Variants in NT5DC3 observed in about 807,000 individuals in gnomAD.
NT5DC3 encodes the protein 5'-nucleotidase domain-containing protein 3.
In NT5DC3, 42 loss-of-function variants were observed where a neutral mutation model predicts 67.8. The ratio of observed to expected loss-of-function variants is 0.62; its 90% confidence interval spans 0.48 to 0.80. The LOEUF (loss-of-function observed/expected upper bound fraction) is 0.80. NT5DC3 is among the 30% of genes least tolerant of loss of function. The pLI is 0.00. For synonymous variants in NT5DC3, 237 were observed against 255.6 expected (o/e 0.93, Z 0.69); for missense variants, 570 against 696.4 (o/e 0.82, Z 2.04).
the NT5DC3 span, chr12:103,762,343 T>C: frequency 3.4e-5 from 55 of 1,614,092 alleles, 1 homozygote; most frequent in South Asian, 5.5e-4. Context: ...GGCTGTTGCC[T>C]TGGCTGCTTA....
the NT5DC3 span, among the ~76,000 whole-genome samples, chr12:103,760,410 G>A: frequency 2.6e-5 from 4 of 152,126 alleles, no homozygotes; most frequent in East Asian, 3.9e-4. Context: ...ACAGGTGCCC[G>A]CCACCACACT....
chr12:103,793,313 TG>T, intron 8 of NT5DC3, 48 bp from the exon 9 acceptor site: 2 of 1,557,966 alleles, frequency 1.3e-6, no homozygotes, highest in Non-Finnish European at 8.9e-7. Flanking sequence ...AGAGATTAAC[TG>T]TGTCTGTAAC....
chr12:103,758,320 G>A, the NT5DC3 span: 1 of 1,609,648 alleles, frequency 6.2e-7, no homozygotes, highest in Non-Finnish European at 8.5e-7. Context: ...CTTTGCTTTA[G>A]ACTAGCATGT....
chr12:103,748,472 T>C, the NT5DC3 span, among the ~76,000 whole-genome samples: 1 of 152,188 alleles, frequency 6.6e-6, no homozygotes, highest in East Asian at 1.9e-4. Context: ...GGCCACATTT[T>C]AGCTGTTTTA....
chr12:103,816,884 T>C (rs1164405470), intron 1 of NT5DC3, among the ~76,000 whole-genome samples: 4 of 151,990 alleles, frequency 2.6e-5, no homozygotes, highest in Non-Finnish European at 4.4e-5. Flanking sequence ...TCAGTTCTCA[T>C]GGCACTGCGC....
intron 2 of NT5DC3, among the ~76,000 whole-genome samples, chr12:103,808,952 G>T (rs755583293): frequency 1.1e-4 from 17 of 152,210 alleles, no homozygotes; most frequent in Admixed American, 1.3e-4. Flanking sequence ...ACATCAGCAT[G>T]AAGGAAGCAG....
At position 103,833,415 on chromosome 12, in the gene NT5DC3, GCTTA is replaced by G. The variant is rs371068946; in HGVS notation, c.208+7530_208+7533del. Among the ~76,000 whole-genome samples, 4 of 152,122 alleles carry G rather than the reference GCTTA, an allele frequency of 2.6e-5. 1 individual carries two copies. The highest frequency in any genetic ancestry group is 9.6e-5 in the African/African-American group (4 of 41,480). On this transcript the variant is annotated intron_variant, in intron 1 of 13. Coordinates refer to ENST00000392876, the MANE Select transcript of NT5DC3 (RefSeq NM_001031701.3). The stretch of plus-strand genomic sequence containing the variant: ...CAATGCAGTTGCTTGAGGAACTTAT[GCTTA>G]CTATTACTATTCACTGTATTTAATA...
chr12:103,794,896 T>A (rs1593398486), intron 6 of NT5DC3, among the ~76,000 whole-genome samples: 1 of 152,168 alleles, frequency 6.6e-6, no homozygotes, highest in Non-Finnish European at 1.5e-5. Context: ...CTGGCAGGTG[T>A]CAAAACAGGG....
chr12:103,800,521 C>T (rs1336533716), intron 4 of NT5DC3, among the ~76,000 whole-genome samples: 1 of 152,248 alleles, frequency 6.6e-6, no homozygotes, highest in Non-Finnish European at 1.5e-5. Context: ...CCACTGCTGC[C>T]TCTAAGGCAC....
At chr12:103,781,930 C>G (rs1033231217) in intron 12 of NT5DC3, among the ~76,000 whole-genome samples, 4 of 152,166 alleles carry the variant, frequency 2.6e-5, no homozygotes, top group Non-Finnish European at 4.4e-5. Flanking sequence ...CATATCTTTG[C>G]CCTTGTTTGA....
chr12:103,805,020 C>A (rs1886737418), intron 4 of NT5DC3, among the ~76,000 whole-genome samples: 1 of 150,654 alleles, frequency 6.6e-6, no homozygotes, highest in African/African-American at 2.4e-5. Flanking sequence ...CACTGCACTC[C>A]AGCCTGGGCA....
At chr12:103,790,558 T>A (rs570033178) in intron 9 of NT5DC3, among the ~76,000 whole-genome samples, 68 of 151,984 alleles carry the variant, frequency 4.5e-4, no homozygotes, top group African/African-American at 1.6e-3. Flanking sequence ...ACTAATTTTT[T>A]AATTATTTGT....
chr12:103,796,844 G>T, intron 6 of NT5DC3, 50 bp downstream of exon 6: 1 of 1,605,898 alleles, frequency 6.2e-7, no homozygotes, highest in Non-Finnish European at 8.5e-7. Flanking sequence ...GACTCCCACT[G>T]AAAAGGCTGA....
At chr12:103,752,667 G>T in the NT5DC3 span, among the ~76,000 whole-genome samples, 1 of 152,148 alleles carries the variant, frequency 6.6e-6, no homozygotes, top group African/African-American at 2.4e-5. Flanking sequence ...TAGCTGTAAA[G>T]GTCACAACAA....
intron 1 of NT5DC3, among the ~76,000 whole-genome samples, chr12:103,837,246 C>G (rs1474917047): frequency 6.6e-6 from 1 of 152,188 alleles, no homozygotes; most frequent in African/African-American, 2.4e-5. Context: ...ACAGCGCACA[C>G]AGCATGGGGC....
At chr12:103,766,461 C>T, downstream of NT5DC3, 1 of 1,118,092 alleles carries the variant, frequency 8.9e-7, no homozygotes, top group Non-Finnish European at 1.3e-6. Context: ...TACCTCATCT[C>T]TCTGGCTGAT....
chr12:103,817,742 T>C (rs370240363), intron 1 of NT5DC3, among the ~76,000 whole-genome samples: 2 of 152,234 alleles, frequency 1.3e-5, no homozygotes, highest in East Asian at 3.8e-4. Context: ...GATTTGAACC[T>C]GGGAAGTTTG....
chr12:103,762,401 AG>A, the NT5DC3 span: 1 of 1,614,152 alleles, frequency 6.2e-7, no homozygotes, highest in South Asian at 1.1e-5. Context: ...CAGCATTTTG[AG>A]GTAAGAGAGA....
chr12:103,766,609 G>A (rs1884983514), downstream of NT5DC3: 2 of 409,836 alleles, frequency 4.9e-6, no homozygotes, highest in South Asian at 6.2e-5. Context: ...ATGGGTAACT[G>A]TGATCTTTCT....
Sources: gnomAD v4.1 joint callset for allele counts (sites outside exome capture counted in the v4.1 genomes callset) on GRCh38, gnomAD v4.1.1 for gene constraint, MANE v1.5 for transcripts, NCBI Gene and HGNC (gene_info 2026-07-23, HGNC 2026-07-21) for gene names.